Variants in SPON1 observed in about 807,000 individuals in gnomAD.
The protein encoded by SPON1 is spondin 1.
In SPON1, 52 loss-of-function variants were observed where a neutral mutation model predicts 111.7. That is an observed-to-expected ratio of 0.47 (90% confidence interval 0.37 to 0.59). The LOEUF is 0.59. SPON1 is among the 20% of genes least tolerant of loss of function. The probability of loss-of-function intolerance (pLI) is 0.00; values close to 1 mark genes in which losing one functional copy is unlikely to be tolerated. For synonymous variants in SPON1, 410 were observed against 395.8 expected (o/e 1.04, Z -0.43); for missense variants, 957 against 1,068.5 (o/e 0.90, Z 1.46).
In SPON1 at chr11:14,008,865, C is replaced by A. The variant is rs368337124; in HGVS notation, c.345+25912C>A. 2.0e-4 allele frequency among the ~76,000 whole-genome samples: 30 copies of A among 152,328 alleles called. No individual in the cohort carries two copies. The East Asian group carries it at 5.0e-3, about 25-fold the overall frequency. On this transcript the variant is annotated intron_variant, in intron 2 of 15. Transcript: ENST00000576479. The stretch of plus-strand genomic sequence containing the variant: ...CCTTCTTAAAAGAACAATTTAAAAA[C>A]CTTACAACAAACAAAATTCCACCCC...
chr11:14,231,171 T>C (rs1398957871), intron 6 of SPON1, among the ~76,000 whole-genome samples: 2 of 151,286 alleles, frequency 1.3e-5, no homozygotes, highest in African/African-American at 2.4e-5. Flanking sequence ...TCTCACTCTG[T>C]CACCCAGGCT....
Position 14,213,580 on chromosome 11 carries a change from GAGCACTTTCTATGTACAA to G in SPON1, c.826-29730_826-29713del, listed in dbSNP as rs1301495844. ...AGTAATTAATCAAACGATATTTATT[GAGCACTTTCTATGTACAA>G]AGCACTTTCTATGTACAAAGCTATA... is the stretch of plus-strand genomic sequence containing the variant. On this transcript the variant is annotated intron_variant, in intron 6 of 15. Transcript: ENST00000576479. Among the ~76,000 whole-genome samples the G allele has an allele frequency of 2.3e-4, 35 of 152,274 alleles. No individual in the cohort carries two copies. In the Middle Eastern group the frequency reaches 0.01, roughly 44 times the overall value.
Position 13,967,808 on chromosome 11 carries a change from T to TTATGTA in SPON1, c.238+4667_238+4668insATGTAT, listed in dbSNP as rs531365429. Among the ~76,000 whole-genome samples, 644 of 152,350 alleles carry TTATGTA rather than the reference T, an allele frequency of 4.2e-3. 2 individuals are homozygous for TTATGTA. Among genetic ancestry groups the TTATGTA allele is most frequent in the Middle Eastern group, 6.8e-3 (2 of 294 alleles). Reference sequence around the variant, plus strand: ...CCCTGCTTTTTTGTTATGTAACTATTTCTAACCATTACTTAAGTATTTAGT... The same window carrying TTATGTA: ...CCCTGCTTTTTTGTTATGTAACTATTTATGTATCTAACCATTACTTAAGTATTTAGT... On this transcript the variant is annotated intron_variant, in intron 1 of 15. Transcript: ENST00000576479.
In SPON1 at chr11:14,032,481, G is replaced by A. The variant is rs146094080; in HGVS notation, c.346-9040G>A. The stretch of plus-strand genomic sequence containing the variant: ...ATGTGGGCCACGACCAGTTAGGAGA[G>A]GGGTGCACGGCACACAAGGGGAACC... On this transcript the variant is annotated intron_variant, in intron 2 of 15. Coordinates refer to ENST00000576479, the MANE Select transcript of SPON1 (RefSeq NM_006108.4). Among the ~76,000 whole-genome samples the A allele has an allele frequency of 2.2e-3, 328 of 152,294 alleles. 2 individuals are homozygous for A. The highest frequency in any genetic ancestry group is 7.5e-3 in the African/African-American group (312 of 41,564).
At chr11:13,976,534 G>A (rs1848105056) in intron 1 of SPON1, among the ~76,000 whole-genome samples, 1 of 152,264 alleles carries the variant, frequency 6.6e-6, no homozygotes, top group East Asian at 1.9e-4. Flanking sequence ...TTCATCTCAT[G>A]TGTTATATTT....
At chr11:14,086,668 G>A (rs1849009226) in intron 5 of SPON1, among the ~76,000 whole-genome samples, 1 of 152,170 alleles carries the variant, frequency 6.6e-6, no homozygotes, top group East Asian at 1.9e-4. Flanking sequence ...CAGAAAATGA[G>A]TTGGGGAGGA....
chr11:14,110,318 TA>T (rs2133848505), intron 5 of SPON1, among the ~76,000 whole-genome samples: 1 of 152,346 alleles, frequency 6.6e-6, no homozygotes, highest in African/African-American at 2.4e-5. Flanking sequence ...AATTATTGAG[TA>T]ATTGCTATGC....
At chr11:14,132,094 T>A (rs187909490) in intron 5 of SPON1, among the ~76,000 whole-genome samples, 4 of 152,220 alleles carry the variant, frequency 2.6e-5, no homozygotes, top group African/African-American at 7.2e-5. Context: ...CTGGCCAACA[T>A]GGTGAAACCC....
At chr11:14,126,387 A>C (rs546103399) in intron 5 of SPON1, among the ~76,000 whole-genome samples, 1 of 152,334 alleles carries the variant, frequency 6.6e-6, no homozygotes, top group East Asian at 1.9e-4. Context: ...AATGCTGGCA[A>C]TTTAGTACCA....
At chr11:14,160,925 T>TTATATA (rs1554931110) in intron 6 of SPON1, among the ~76,000 whole-genome samples, 3 of 29,802 alleles carry the variant, frequency 1.0e-4, no homozygotes, top group African/African-American at 4.2e-4. Context: ...ATTTATATAT[T>TTATATA]TATATATTTA....
At chr11:13,966,233 C>T (rs1480936985) in intron 1 of SPON1, among the ~76,000 whole-genome samples, 2 of 152,092 alleles carry the variant, frequency 1.3e-5, no homozygotes, top group Non-Finnish European at 2.9e-5. Context: ...AATAATTGTG[C>T]TTTAGAAAGC....
At chr11:14,215,886 G>A (rs1554937110) in intron 6 of SPON1, among the ~76,000 whole-genome samples, 7 of 152,140 alleles carry the variant, frequency 4.6e-5, no homozygotes. Flanking sequence ...TCAAGTGGTG[G>A]GAAAGGGAAA....
At chr11:14,231,890 G>A (rs75571715) in intron 6 of SPON1, among the ~76,000 whole-genome samples, 28 of 150,808 alleles carry the variant, frequency 1.9e-4, no homozygotes, top group African/African-American at 6.8e-4. Context: ...ACAAACAAAT[G>A]AATATTGCAA....
Position 14,267,032 on chromosome 11 carries a change from T to C in SPON1, c.*1345T>C, listed in dbSNP as rs1849278842. 6.6e-6 allele frequency: 1 copy of C among 152,256 alleles called. No individual in the cohort carries two copies. The highest frequency in any genetic ancestry group is 2.4e-5 in the African/African-American group (1 of 41,474). The allele number at this position is 152,256 out of a possible 1,614,324, so 9.4% of individuals were successfully genotyped here. A position where few individuals can be genotyped will look rare whatever the true frequency, so the allele number is the denominator to read the frequency against. The stretch of plus-strand genomic sequence containing the variant: ...TTGAAAACTATTGTTTCATTTCTTC[T>C]TTTATAGGCCTTATTACTGCTTAAT... On this transcript the variant is annotated 3_prime_UTR_variant, in exon 16 of 16. Coordinates refer to ENST00000576479, the MANE Select transcript of SPON1 (RefSeq NM_006108.4).
chr11:14,178,467 C>A (rs1848204248), intron 6 of SPON1, among the ~76,000 whole-genome samples: 1 of 151,226 alleles, frequency 6.6e-6, no homozygotes, highest in African/African-American at 2.4e-5. Context: ...GAATCCTGCA[C>A]AAACTTGGTC....
intron 8 of SPON1, 133 bp downstream of exon 8, chr11:14,254,862 C>G (rs909504807): frequency 2.4e-6 from 2 of 827,482 alleles, no homozygotes; most frequent in Non-Finnish European, 3.8e-6. Context: ...CTGGCATGGT[C>G]GCATCATCAC....
intron 3 of SPON1, among the ~76,000 whole-genome samples, chr11:14,051,189 T>C (rs181247082): frequency 1.3e-3 from 192 of 152,228 alleles, no homozygotes; most frequent in African/African-American, 4.4e-3. Context: ...CTTTGTGCTA[T>C]AATTAGATCA....
At chr11:14,236,979 G>A (rs1848874089) in intron 6 of SPON1, among the ~76,000 whole-genome samples, 1 of 152,234 alleles carries the variant, frequency 6.6e-6, no homozygotes, top group African/African-American at 2.4e-5. Flanking sequence ...GAGAGCAGCA[G>A]TGCAGACCAT....
chr11:13,997,289 C>T (rs1488497847), intron 2 of SPON1, among the ~76,000 whole-genome samples: 2 of 152,164 alleles, frequency 1.3e-5, no homozygotes, highest in Non-Finnish European at 1.5e-5. Flanking sequence ...CTTAGCTTTG[C>T]TATTTAAAAT....
Sources: gnomAD v4.1 joint callset for allele counts (sites outside exome capture counted in the v4.1 genomes callset) on GRCh38, gnomAD v4.1.1 for gene constraint, MANE v1.5 for transcripts, NCBI Gene and HGNC (gene_info 2026-07-23, HGNC 2026-07-21) for gene names.